The following KDM4C variants were observed in gnomAD, a reference collection of about 807,000 sequenced individuals.
KDM4C encodes lysine demethylase 4C, also known as lysine-specific demethylase 4C.
Under a neutral mutation model 129.3 loss-of-function variants are expected in KDM4C, and 81 were observed. That is an observed-to-expected ratio of 0.63 (90% CI 0.52 to 0.75). The LOEUF (loss-of-function observed/expected upper bound fraction) is 0.75. Ranked by LOEUF, KDM4C falls within the 30% of genes least tolerant of loss-of-function variation. KDM4C has a pLI of 0.00. For missense variants in KDM4C, 1,457 were observed against 1,304.0 expected (o/e 1.12, Z -1.81); for synonymous variants, 573 against 456.1 (o/e 1.26, Z -3.26).
intron 1 of KDM4C, among the ~76,000 whole-genome samples, chr9:6,738,102 C>T (rs535217873): frequency 6.6e-6 from 1 of 151,526 alleles, no homozygotes; most frequent in Non-Finnish European, 1.5e-5. Context: ...CATTGCACTC[C>T]AGCCTGGGCA....
chr9:6,762,023 C>G (rs192629796), intron 1 of KDM4C, among the ~76,000 whole-genome samples: 2 of 152,146 alleles, frequency 1.3e-5, no homozygotes, highest in Non-Finnish European at 2.9e-5. Flanking sequence ...TGGTCTCGAT[C>G]TCCTGACCTC....
At chr9:7,107,620 G>T (rs1441833820) in intron 18 of KDM4C, among the ~76,000 whole-genome samples, 1 of 152,154 alleles carries the variant, frequency 6.6e-6, no homozygotes, top group Non-Finnish European at 1.5e-5. Context: ...CTTATATGAG[G>T]TACATAGTGT....
At chr9:7,097,204 A>T (rs571184346) in intron 17 of KDM4C, among the ~76,000 whole-genome samples, 1 of 152,312 alleles carries the variant, frequency 6.6e-6, no homozygotes, top group South Asian at 2.1e-4. Flanking sequence ...GCCATGAGGC[A>T]GGCCCTGGGT....
At chr9:6,843,224 C>T (rs557984541) in intron 4 of KDM4C, among the ~76,000 whole-genome samples, 3 of 152,334 alleles carry the variant, frequency 2.0e-5, no homozygotes, top group South Asian at 2.1e-4. Context: ...CCACTGTGCC[C>T]GGCCTGCTGC....
intron 17 of KDM4C, among the ~76,000 whole-genome samples, chr9:7,092,896 G>T (rs1026009534): frequency 6.6e-6 from 1 of 152,140 alleles, no homozygotes; most frequent in East Asian, 1.9e-4. Context: ...ATATTGAGAA[G>T]ATTCCATTAA....
At chr9:7,171,958 G>A (rs1454953856) in intron 21 of KDM4C, among the ~76,000 whole-genome samples, 2 of 152,136 alleles carry the variant, frequency 1.3e-5, no homozygotes, top group Admixed American at 1.3e-4. Flanking sequence ...CGGTCACTAA[G>A]TCCTGTTGGC....
At chr9:6,865,165 C>CG in intron 5 of KDM4C, among the ~76,000 whole-genome samples, 1 of 151,886 alleles carries the variant, frequency 6.6e-6, no homozygotes, top group East Asian at 1.9e-4. Context: ...CCCGCCACCA[C>CG]ACCTGGCTAA....
chr9:6,786,598 C>T (rs1825548552), intron 1 of KDM4C, among the ~76,000 whole-genome samples: 1 of 152,130 alleles, frequency 6.6e-6, no homozygotes, highest in South Asian at 2.1e-4. Flanking sequence ...ACCTATTTTC[C>T]TGTGACTTGG....
intron 18 of KDM4C, among the ~76,000 whole-genome samples, chr9:7,106,874 C>G (rs964787875): frequency 1.3e-5 from 2 of 151,732 alleles, no homozygotes; most frequent in East Asian, 1.9e-4. Flanking sequence ...GTATAAAATT[C>G]ATCTGATTTG....
rs559952069 is a variant in KDM4C at position 7,034,792 on chromosome 9, C to T, written c.2260-12070C>T. ...TGGCTTTACTAGTTTACATTCCCAC[C>T]AACAGTGATAAGAGTTCCTTTTTCT... On this transcript the variant is annotated intron_variant, in intron 15 of 21. Coordinates refer to ENST00000381309, the MANE Select transcript of KDM4C (RefSeq NM_015061.6). 3.3e-5 allele frequency among the ~76,000 whole-genome samples: 5 copies of T among 152,284 alleles called. No individual in the cohort carries two copies. The South Asian group carries it at 1.0e-3, about 32-fold the overall frequency.
chr9:7,020,150 T>C (rs890159411), intron 15 of KDM4C, among the ~76,000 whole-genome samples: 1 of 152,192 alleles, frequency 6.6e-6, no homozygotes, highest in African/African-American at 2.4e-5. Flanking sequence ...AACCAAAATA[T>C]ATATTGCAGC....
chr9:6,926,162 G>T (rs1309508839), intron 8 of KDM4C, among the ~76,000 whole-genome samples: 1 of 152,062 alleles, frequency 6.6e-6, no homozygotes, highest in Non-Finnish European at 1.5e-5. Context: ...AGATTACCCA[G>T]TTTGGCGTCA....
At chr9:7,158,860 C>G (rs1040239915) in intron 19 of KDM4C, among the ~76,000 whole-genome samples, 1 of 152,152 alleles carries the variant, frequency 6.6e-6, no homozygotes, top group African/African-American at 2.4e-5. Context: ...TTTAGGTCTG[C>G]TTGGTGCAGA....
chr9:6,750,239 G>C (rs1001019829), intron 1 of KDM4C, among the ~76,000 whole-genome samples: 4 of 151,964 alleles, frequency 2.6e-5, no homozygotes, highest in Non-Finnish European at 5.9e-5. Context: ...AGGAGTTCGA[G>C]ACCAGCCTGA....
rs1036760611 is a variant in KDM4C, at chr9:6,917,607, G to A, written c.921+24375G>A. On this transcript the variant is annotated intron_variant, in intron 8 of 21. Transcript: ENST00000381309. The stretch of plus-strand genomic sequence containing the variant: ...TCCCATTTCCTATCCCTAAATTCTA[G>A]GACTCCAATGAGTTGTTCACGATGC... Among the ~76,000 whole-genome samples, 11 of 152,080 alleles carry A rather than the reference G, an allele frequency of 7.2e-5. No homozygotes were observed. The East Asian group carries it at 1.9e-3, about 27-fold the overall frequency.
intron 8 of KDM4C, among the ~76,000 whole-genome samples, chr9:6,949,242 C>T (rs574564246): frequency 6.6e-6 from 1 of 151,674 alleles, no homozygotes; most frequent in African/African-American, 2.4e-5. Flanking sequence ...CCTCACCTCC[C>T]AGACGGGGTT....
At chr9:7,091,559 AT>A (rs1407461832) in intron 17 of KDM4C, among the ~76,000 whole-genome samples, 4 of 152,230 alleles carry the variant, frequency 2.6e-5, no homozygotes, top group Non-Finnish European at 5.9e-5. Flanking sequence ...CAGATGTGTG[AT>A]TTTAGTGAAT....
intron 17 of KDM4C, among the ~76,000 whole-genome samples, chr9:7,099,232 A>G (rs1284844697): frequency 2.0e-5 from 3 of 152,240 alleles, no homozygotes; most frequent in African/African-American, 2.4e-5. Flanking sequence ...AAACAAAACA[A>G]TAAAAAATCA....
chr9:7,137,664 C>G (rs1841349854), intron 19 of KDM4C, among the ~76,000 whole-genome samples: 1 of 152,232 alleles, frequency 6.6e-6, no homozygotes, highest in Non-Finnish European at 1.5e-5. Flanking sequence ...GCACAGCTTT[C>G]TGCATACAAT....
Sources: gnomAD v4.1 joint callset for allele counts (sites outside exome capture counted in the v4.1 genomes callset) on GRCh38, gnomAD v4.1.1 for gene constraint, MANE v1.5 for transcripts, NCBI Gene and HGNC (gene_info 2026-07-23, HGNC 2026-07-21) for gene names.